Variants in CFAP119 observed in about 807,000 individuals in gnomAD.
CFAP119 encodes cilia- and flagella-associated protein 119.
chr16:30,758,979 G>A, the CFAP119 span: 21 of 1,613,214 alleles, frequency 1.3e-5, no homozygotes, highest in Non-Finnish European at 1.7e-5. Flanking sequence ...CTGCTCAGAG[G>A]GACAGGGCAG....
chr16:30,759,744 G>A, the CFAP119 span: 2 of 1,594,768 alleles, frequency 1.3e-6, no homozygotes, highest in Non-Finnish European at 1.7e-6. Context: ...AAAGCAAGAT[G>A]CAGCAGTGAG....
chr16:30,761,413 C>A, the CFAP119 span: 1 of 1,412,804 alleles, frequency 7.1e-7, no homozygotes, highest in South Asian at 1.2e-5. Flanking sequence ...ACCGGGGTCA[C>A]ACACCCCTGC....
the CFAP119 span, chr16:30,761,216 CG>C: frequency 5.6e-6 from 9 of 1,613,964 alleles, no homozygotes; most frequent in Non-Finnish European, 6.8e-6. Flanking sequence ...GATCCGGGGT[CG>C]GGGCAGCGGC....
chr16:30,759,885 T>C, the CFAP119 span: 18 of 1,447,292 alleles, frequency 1.2e-5, no homozygotes, highest in Non-Finnish European at 1.5e-5. Flanking sequence ...GAATACCCAC[T>C]ATATGCCCAC....
At chr16:30,761,443 C>CCGTCTCCT in the CFAP119 span, 2 of 1,496,344 alleles carry the variant, frequency 1.3e-6, no homozygotes, top group Non-Finnish European at 1.8e-6. Context: ...CCCAAGCAGC[C>CCGTCTCCT]CGGGAGACGT....
the CFAP119 span, chr16:30,760,190 C>T: frequency 6.2e-7 from 1 of 1,606,986 alleles, no homozygotes; most frequent in Non-Finnish European, 8.5e-7. Context: ...ATATTCCAGG[C>T]AGAAATCCCC....
At chr16:30,762,050 A>AG in the CFAP119 span, 89 of 462,630 alleles carry the variant, frequency 1.9e-4, no homozygotes, top group Non-Finnish European at 7.7e-6. Context: ...CCTCTCTTCC[A>AG]GGTTGCTAAT....
the CFAP119 span, chr16:30,759,625 A>C: frequency 6.2e-7 from 1 of 1,614,076 alleles, no homozygotes; most frequent in East Asian, 2.2e-5. Flanking sequence ...GGATGGGTAA[A>C]GTTTCCAGAA....
the CFAP119 span, chr16:30,759,601 G>A: frequency 3.1e-6 from 5 of 1,614,144 alleles, no homozygotes; most frequent in South Asian, 5.5e-5. Flanking sequence ...GAGACTGGGT[G>A]AGACCTTGTC....
chr16:30,757,686 GGA>G, the CFAP119 span: 1 of 1,582,342 alleles, frequency 6.3e-7, no homozygotes, highest in South Asian at 1.1e-5. Flanking sequence ...GGCAGGGTGA[GGA>G]GAGATGCTGT....
the CFAP119 span, chr16:30,760,265 G>A: frequency 6.2e-7 from 1 of 1,614,100 alleles, no homozygotes; most frequent in East Asian, 2.2e-5. Context: ...GCTCAAACCT[G>A]GTAGCTGCCC....
chr16:30,759,058 C>T, the CFAP119 span: 47 of 1,614,104 alleles, frequency 2.9e-5, no homozygotes, highest in Middle Eastern at 1.6e-4. Context: ...CCTCTTTCTG[C>T]GGGGTAACTG....
At chr16:30,758,836 A>G in the CFAP119 span, 3 of 1,134,110 alleles carry the variant, frequency 2.6e-6, no homozygotes, top group Non-Finnish European at 2.4e-6. Context: ...GGTGTGAGCC[A>G]CCACGCCTGG....
the CFAP119 span, chr16:30,761,607 T>A: frequency 1.3e-6 from 2 of 1,535,958 alleles, no homozygotes; most frequent in African/African-American, 2.7e-5. Context: ...GTCCACTGAG[T>A]CCGCACACTC....
the CFAP119 span, chr16:30,761,859 G>A: frequency 9.4e-7 from 1 of 1,065,764 alleles, no homozygotes; most frequent in Non-Finnish European, 1.3e-6. Context: ...CCTCGCTCCG[G>A]CCAATCTACG....
chr16:30,760,562 C>A, the CFAP119 span: 5 of 1,578,152 alleles, frequency 3.2e-6, no homozygotes, highest in Non-Finnish European at 4.3e-6. Context: ...CCTGACCCCT[C>A]AGCCTTTGCC....
the CFAP119 span, chr16:30,758,973 T>A: frequency 1.9e-6 from 3 of 1,612,738 alleles, no homozygotes; most frequent in East Asian, 6.7e-5. Flanking sequence ...CTACACCTGC[T>A]CAGAGGGACA....
At chr16:30,761,600 C>T in the CFAP119 span, 1 of 1,536,170 alleles carries the variant, frequency 6.5e-7, no homozygotes, top group East Asian at 2.4e-5. Flanking sequence ...CGCCGTCGTC[C>T]ACTGAGTCCG....
At chr16:30,757,536 C>T in the CFAP119 span, 1 of 1,614,256 alleles carries the variant, frequency 6.2e-7, no homozygotes, top group Admixed American at 1.7e-5. Flanking sequence ...CTAGTGCAGT[C>T]AACTTGCTGC....
Sources: gnomAD v4.1 joint callset for allele counts on GRCh38, gnomAD v4.1.1 for gene constraint, MANE v1.5 for transcripts, NCBI Gene and HGNC (gene_info 2026-07-23, HGNC 2026-07-21) for gene names.